Variants in XXYLT1 observed in about 807,000 individuals in gnomAD.
XXYLT1 encodes the protein UDP-xylose:alpha-xyloside alpha-1,3-xylosyltransferase.
XXYLT1 carries 20 observed loss-of-function variants against 28.9 expected under a neutral mutation model. That is an observed-to-expected ratio of 0.69 (90% CI 0.49 to 1.00). The LOEUF (loss-of-function observed/expected upper bound fraction) is 1.00, where lower values mean the gene tolerates loss of function less well. Ranked by LOEUF, XXYLT1 falls within the 50% of genes least tolerant of loss-of-function variation. The pLI is 0.00. For missense variants in XXYLT1, 542 were observed against 560.1 expected (o/e 0.97, Z 0.33); for synonymous variants, 257 against 253.8 (o/e 1.01, Z -0.12).
chr3:195,143,795 TATATAGATAG>T (rs1349068335), intron 3 of XXYLT1, among the ~76,000 whole-genome samples: 118 of 116,382 alleles, frequency 1.0e-3, no homozygotes, highest in African/African-American at 3.3e-3. Context: ...TATATATATA[TATATAGATAG>T]ATATATATAG....
chr3:195,082,706 G>A (rs536204639), intron 3 of XXYLT1, among the ~76,000 whole-genome samples: 6 of 152,248 alleles, frequency 3.9e-5, no homozygotes, highest in South Asian at 2.1e-4. Context: ...AAAATTAGCC[G>A]GGTGTGGTGG....
chr3:195,117,199 A>G (rs1340897713), intron 3 of XXYLT1, among the ~76,000 whole-genome samples: 1 of 152,036 alleles, frequency 6.6e-6, no homozygotes, highest in Non-Finnish European at 1.5e-5. Flanking sequence ...AAATAAAAGC[A>G]CTAGCTCGGA....
At chr3:195,120,475 C>T (rs889815411) in intron 3 of XXYLT1, among the ~76,000 whole-genome samples, 5 of 152,122 alleles carry the variant, frequency 3.3e-5, no homozygotes, top group Admixed American at 2.6e-4. Flanking sequence ...ACAGCATTGC[C>T]GTGAGGATTC....
intron 3 of XXYLT1, among the ~76,000 whole-genome samples, chr3:195,141,124 T>C (rs1719466247): frequency 6.6e-6 from 1 of 152,228 alleles, no homozygotes; most frequent in African/African-American, 2.4e-5. Context: ...TAAAGAACTG[T>C]GAGCAATAAA....
At chr3:195,181,555 T>C (rs1721955544) in intron 2 of XXYLT1, among the ~76,000 whole-genome samples, 1 of 152,190 alleles carries the variant, frequency 6.6e-6, no homozygotes. Context: ...GTGTGCCAGG[T>C]ACTGTTGGAA....
At chr3:195,204,830 G>A (rs1158208532) in intron 2 of XXYLT1, among the ~76,000 whole-genome samples, 3 of 152,198 alleles carry the variant, frequency 2.0e-5, no homozygotes, top group Non-Finnish European at 2.9e-5. Context: ...ACAGCCCTCC[G>A]CTAAGATTCT....
At position 195,069,718 on chromosome 3, in the gene XXYLT1, G is replaced by A. The variant is rs1161148015; in HGVS notation, c.1179C>T (p.Asp393=). 6.2e-7 allele frequency: 1 copy of A among 1,611,032 alleles called. No individual in the cohort carries two copies. Among genetic ancestry groups the A allele is most frequent in the South Asian group, 1.1e-5 (1 of 90,884 alleles). The change falls in exon 4 of 4, where the codon GAC becomes GAT. Residue 393 remains aspartate, a synonymous_variant. Coordinates refer to ENST00000310380, the MANE Select transcript of XXYLT1 (RefSeq NM_152531.5). ...HGNCNTPIPE[D] is the part of the protein sequence containing the mutation. ...GGGGGCAAGGCACGGGGAGCGCCTA[G>A]TCCTCCGGGATGGGAGTGTTGCAGT...
chr3:195,199,336 G>A (rs1190803103), intron 2 of XXYLT1, among the ~76,000 whole-genome samples: 5 of 152,178 alleles, frequency 3.3e-5, no homozygotes, highest in Admixed American at 3.3e-4. Context: ...TTTGGGCCGG[G>A]CGCGGTGGCT....
intron 1 of XXYLT1, among the ~76,000 whole-genome samples, chr3:195,248,182 A>G (rs1725111040): frequency 6.6e-6 from 1 of 152,210 alleles, no homozygotes; most frequent in Non-Finnish European, 1.5e-5. Context: ...AGATACTTAC[A>G]GGCTTATACT....
Position 195,270,756 on chromosome 3 carries a change from C to G in XXYLT1, c.303G>C (p.Leu101=), listed in dbSNP as rs754705206. The G allele has an allele frequency of 6.3e-7, 1 of 1,585,770 alleles. No homozygotes were observed. The change falls in exon 1 of 4, where the codon CTG becomes CTC. Residue 101 remains leucine, a synonymous_variant. Transcript: ENST00000310380. ...GCTCCGCCTTGGTGAACATCATCAG[C>G]AGGTGGTAGTCCACCGGCCCGGCAC... The part of the protein sequence containing the change: ...GGGAGPVDYH[L]LMMFTKAEHN...
In XXYLT1 at chr3:195,149,434, G is replaced by A. The variant is rs151133013; in HGVS notation, c.785+7015C>T. 3.1e-4 allele frequency among the ~76,000 whole-genome samples: 47 copies of A among 152,128 alleles called. No individual in the cohort carries two copies. The East Asian group carries it at 8.9e-3, about 29-fold the overall frequency. ...GAACAGAAACCATATTGGAGATCAG[G>A]GCTAGAGCCATGGCTGGAACCTGGA... On this transcript the variant is annotated intron_variant, in intron 3 of 3. Coordinates refer to ENST00000310380, the MANE Select transcript of XXYLT1 (RefSeq NM_152531.5).
In XXYLT1 at chr3:195,270,960, C is replaced by G. The variant is rs1280975193; in HGVS notation, c.99G>C (p.Leu33=). The change falls in exon 1 of 4, where the codon CTG becomes CTC. Residue 33 remains leucine (L), a synonymous_variant. Coordinates refer to ENST00000310380, the MANE Select transcript of XXYLT1 (RefSeq NM_152531.5). ...CGAGGTAGTAGAAGGCGCAGACGGC[C>G]AGCGCCGCGGCCAGCAGCAGGGCGC... The part of the protein sequence containing the change: ...HYCALLLAAA[L]AVCAFYYLGS... 6.7e-7 allele frequency: 1 copy of G among 1,488,538 alleles called. No homozygotes were observed. The highest frequency in any genetic ancestry group is 1.3e-5 in the South Asian group (1 of 78,586). 92.2% of individuals were successfully genotyped at this position (1,488,538 alleles called of 1,614,324 possible).
intron 3 of XXYLT1, among the ~76,000 whole-genome samples, chr3:195,110,150 CTGTGTGTTGTGTGTGGTGTCTGAGTAT>C (rs1717453395): frequency 4.4e-5 from 1 of 22,626 alleles, no homozygotes; most frequent in Non-Finnish European, 1.2e-4. Flanking sequence ...TGTGTGGTGT[CTGTGTGTTGTGTGTGGTGTCTGAGTAT>C]GTGTGTGTGT....
chr3:195,238,176 G>A (rs539753347), intron 1 of XXYLT1, among the ~76,000 whole-genome samples: 2 of 152,290 alleles, frequency 1.3e-5, no homozygotes, highest in Admixed American at 6.5e-5. Flanking sequence ...TGACTGGGCA[G>A]CACTGAACCA....
chr3:195,238,578 A>G (rs1313248016), intron 1 of XXYLT1, among the ~76,000 whole-genome samples: 1 of 151,994 alleles, frequency 6.6e-6, no homozygotes, highest in Non-Finnish European at 1.5e-5. Flanking sequence ...AAGTAACTAA[A>G]CCTCTCTGAG....
At chr3:195,205,465 G>A (rs1048339561) in intron 2 of XXYLT1, among the ~76,000 whole-genome samples, 1 of 152,190 alleles carries the variant, frequency 6.6e-6, no homozygotes. Context: ...AGAAATGAAG[G>A]AGGAAATTAG....
At chr3:195,185,115 A>G (rs1488045733) in intron 2 of XXYLT1, among the ~76,000 whole-genome samples, 1 of 135,720 alleles carries the variant, frequency 7.4e-6, no homozygotes, top group East Asian at 2.0e-4. Context: ...GGAAGGAAGG[A>G]AGGAAGGAAG....
chr3:195,244,532 T>C (rs1238596340), intron 1 of XXYLT1, among the ~76,000 whole-genome samples: 1 of 151,334 alleles, frequency 6.6e-6, no homozygotes, highest in African/African-American at 2.4e-5. Context: ...GAGGCCAAGG[T>C]GGGTGGATCA....
At chr3:195,243,946 A>G (rs564187108) in intron 1 of XXYLT1, among the ~76,000 whole-genome samples, 2 of 152,304 alleles carry the variant, frequency 1.3e-5, no homozygotes, top group Admixed American at 6.5e-5. Context: ...TTCTAAAGCC[A>G]TGTCCAATAT....
Sources: gnomAD v4.1 joint callset for allele counts (sites outside exome capture counted in the v4.1 genomes callset) on GRCh38, gnomAD v4.1.1 for gene constraint, MANE v1.5 for transcripts, NCBI Gene and HGNC (gene_info 2026-07-23, HGNC 2026-07-21) for gene names.